CELF2: variants seen among roughly 807,000 people sequenced by gnomAD.
CELF2 encodes CUGBP Elav-like family member 2, also known as CUG triplet repeat RNA-binding protein 2.
Under a neutral mutation model 62.6 loss-of-function variants are expected in CELF2, and 8 were observed. The ratio of observed to expected loss-of-function variants is 0.13; its 90% CI spans 0.07 to 0.23. The LOEUF (loss-of-function observed/expected upper bound fraction) is 0.23. CELF2 is among the 10% of genes least tolerant of loss of function. The probability of loss-of-function intolerance (pLI) is 1.00; values close to 1 mark genes in which losing one functional copy is unlikely to be tolerated. For missense variants in CELF2, 333 were observed against 671.0 expected (o/e 0.50, Z 5.56); for synonymous variants, 258 against 250.0 (o/e 1.03, Z -0.30).
rs186204564 is a variant in CELF2 at position 11,048,121 on chromosome 10, A to G, written c.74+29958A>G. ...CACTCCCCAAGGCTGTATTCCAGTT[A>G]GTGATACTCTGCCTGCAATGTAGCT... is the stretch of plus-strand genomic sequence containing the variant. On this transcript the variant is annotated intron_variant, in intron 1 of 12. Transcript: ENST00000633077. Among the ~76,000 whole-genome samples, 42 of 152,336 alleles carry G rather than the reference A, an allele frequency of 2.8e-4. 2 individuals carry two copies. In the East Asian group the frequency reaches 7.5e-3, roughly 27 times the overall value.
chr10:10,724,549 A>T, the CELF2 span, among the ~76,000 whole-genome samples: 2 of 150,980 alleles, frequency 1.3e-5, no homozygotes, highest in Non-Finnish European at 3.0e-5. Flanking sequence ...CCAGCTACTC[A>T]GGAGGCTGAG....
chr10:10,923,668 G>C (rs1033806798), intron 2 of CELF2, among the ~76,000 whole-genome samples: 1 of 152,150 alleles, frequency 6.6e-6, no homozygotes. Flanking sequence ...AAAAAAATTA[G>C]ATTATATGAG....
chr10:11,054,507 G>GTGTGTGTGTGTGTGTGTGTA (rs1554804124), intron 1 of CELF2, among the ~76,000 whole-genome samples: 12 of 151,152 alleles, frequency 7.9e-5, no homozygotes, highest in Non-Finnish European at 1.2e-4. Context: ...GTGTGTGTGT[G>GTGTGTGTGTGTGTGTGTGTA]TGTGTGTGTG....
At position 11,280,422 on chromosome 10, in the gene CELF2, C is replaced by T. The variant is rs748712924; in HGVS notation, c.841+5302C>T. On this transcript the variant is annotated intron_variant, in intron 8 of 12. Coordinates refer to ENST00000633077, the MANE Select transcript of CELF2 (RefSeq NM_001326342.2). The surrounding 1 kb of genome is among the most constrained non-coding windows in gnomAD (Gnocchi z 7.6). ...TCAGGCCAGTGCCTTTCCCCAAAAC[C>T]GTTTCTCCCCCGCATAGGAGGGGAA... Among the ~76,000 whole-genome samples, 8 of 152,170 alleles carry T rather than the reference C, an allele frequency of 5.3e-5. No homozygotes were observed. Among genetic ancestry groups the T allele is most frequent in the Admixed American group, 1.3e-4 (2 of 15,282 alleles).
At chr10:11,317,484 A>G (rs1446619003) in intron 10 of CELF2, 3 of 152,264 alleles carry the variant, frequency 2.0e-5, no homozygotes, top group South Asian at 4.1e-4. Context: ...GCTTAGAAGG[A>G]TAATCCGTCA....
the CELF2 span, among the ~76,000 whole-genome samples, chr10:10,500,581 C>T: frequency 3.9e-5 from 6 of 152,264 alleles, no homozygotes; most frequent in Admixed American, 6.5e-5. Context: ...GATTGTGAGG[C>T]CTCCCCAGCC....
Position 10,861,515 on chromosome 10 carries a change from A to T in CELF2, c.54-58449A>T, listed in dbSNP as rs531207401. Reference sequence around the variant, plus strand: ...TTTTTCTCAGTGAAAATATATTTACATGGTTTTATAAAAGTTAATGATCCC... The same window carrying T: ...TTTTTCTCAGTGAAAATATATTTACTTGGTTTTATAAAAGTTAATGATCCC... On this transcript the variant is annotated intron_variant, in intron 1 of 13. Transcript: ENST00000636488. Among the ~76,000 whole-genome samples the T allele has an allele frequency of 6.6e-4, 100 of 152,306 alleles. 1 individual carries two copies. Among genetic ancestry groups the T allele is most frequent in the African/African-American group, 2.3e-3 (96 of 41,574 alleles).
At chr10:10,723,967 A>T in the CELF2 span, among the ~76,000 whole-genome samples, 1 of 152,198 alleles carries the variant, frequency 6.6e-6, no homozygotes, top group Non-Finnish European at 1.5e-5. Context: ...GTAATCTTTC[A>T]TATCAATACG....
the CELF2 span, among the ~76,000 whole-genome samples, chr10:10,587,342 T>C: frequency 6.6e-6 from 1 of 152,144 alleles, no homozygotes; most frequent in African/African-American, 2.4e-5. Context: ...CACTCCTATA[T>C]ATTTTCCTAC....
chr10:10,470,122 T>A, the CELF2 span, among the ~76,000 whole-genome samples: 1 of 151,904 alleles, frequency 6.6e-6, no homozygotes, highest in Admixed American at 6.6e-5. Context: ...AAATCAAAAA[T>A]CCCAAACCCT....
intron 2 of CELF2, among the ~76,000 whole-genome samples, chr10:11,208,188 G>C (rs762045145): frequency 6.6e-6 from 1 of 152,122 alleles, no homozygotes; most frequent in African/African-American, 2.4e-5. Context: ...AAATGGGAGG[G>C]TGTGGGGAGT....
the CELF2 span, among the ~76,000 whole-genome samples, chr10:10,790,100 T>C: frequency 6.6e-6 from 1 of 152,182 alleles, no homozygotes; most frequent in African/African-American, 2.4e-5. Context: ...GTTTTGAATA[T>C]GAATTGAAAA....
chr10:10,728,210 G>A, the CELF2 span, among the ~76,000 whole-genome samples: 8 of 151,818 alleles, frequency 5.3e-5, no homozygotes, highest in Non-Finnish European at 8.8e-5. Flanking sequence ...GGAGGCTGAG[G>A]TGGGTGGATC....
chr10:11,182,316 G>A (rs527270406), intron 2 of CELF2, among the ~76,000 whole-genome samples: 121 of 152,318 alleles, frequency 7.9e-4, no homozygotes, highest in African/African-American at 2.5e-3. Flanking sequence ...CCTAGATCCC[G>A]TAGTGCACAC....
rs570929429 is a variant in CELF2, at chr10:10,988,345, C to T, written c.89+68346C>T. Among the ~76,000 whole-genome samples, 160 of 150,688 alleles carry T rather than the reference C, an allele frequency of 1.1e-3. 1 individual carries two copies. Among genetic ancestry groups the T allele is most frequent in the African/African-American group, 3.5e-3 (142 of 40,984 alleles). On this transcript the variant is annotated intron_variant, in intron 2 of 13. Transcript: ENST00000636488. ...AATACTATTCAGCCATAAAAAGGAA[C>T]GAAATAATGTCTTTTACAGCAACTT...
chr10:11,255,156 G>C lies in CELF2; in HGVS notation c.404-2582G>C, dbSNP rs2078309771. On this transcript the variant is annotated intron_variant, in intron 4 of 12. Transcript: ENST00000633077. This position sits in a 1 kb window ranked among gnomAD's most constrained non-coding sequence, Gnocchi z 5.5. ...CTTCACCAGTTCACAGCGGATCCAT[G>C]CTACTTTGCCTTCTCTGAAGGGAGG... 6.6e-6 allele frequency among the ~76,000 whole-genome samples: 1 copy of C among 152,208 alleles called. No homozygotes were observed. The highest frequency in any genetic ancestry group is 6.5e-5 in the Admixed American group (1 of 15,284).
At chr10:10,565,611 A>T in the CELF2 span, among the ~76,000 whole-genome samples, 1 of 152,194 alleles carries the variant, frequency 6.6e-6, no homozygotes, top group African/African-American at 2.4e-5. Flanking sequence ...TCTCTGGGTC[A>T]TTCCTGGATG....
rs1033833194 is a variant in CELF2 at position 11,288,587 on chromosome 10, T to A, written c.976+35T>A. The A allele has an allele frequency of 3.7e-6, 6 of 1,610,096 alleles. No homozygotes were observed. The Admixed American group carries it at 1.0e-4, about 27-fold the overall frequency. ...GGGGGTGCTCTTCCCTTGCAGGTGATGCAGCAGGAGTGGCAGGTAGGTTTC... is the reference window on the plus strand; with the variant it reads ...GGGGGTGCTCTTCCCTTGCAGGTGAAGCAGCAGGAGTGGCAGGTAGGTTTC... On this transcript the variant is annotated intron_variant, in intron 9 of 12. Coordinates refer to ENST00000633077, the MANE Select transcript of CELF2 (RefSeq NM_001326342.2).
the CELF2 span, among the ~76,000 whole-genome samples, chr10:10,525,606 G>T: frequency 6.6e-6 from 1 of 152,062 alleles, no homozygotes; most frequent in South Asian, 2.1e-4. Context: ...GTCTTTCTTT[G>T]CCTGGCTTAT....
Sources: gnomAD v4.1 joint callset for allele counts (sites outside exome capture counted in the v4.1 genomes callset) on GRCh38, gnomAD v4.1.1 for gene constraint, Gnocchi (gnomAD v3.1) non-coding constraint, MANE v1.5 for transcripts, NCBI Gene and HGNC (gene_info 2026-07-23, HGNC 2026-07-21) for gene names.